Variants in CEP78 observed in about 807,000 individuals in gnomAD.
The protein encoded by CEP78 is centrosomal protein 78.
In CEP78, 76 loss-of-function variants were observed where a neutral mutation model predicts 81.2. The observed-to-expected ratio is 0.94, with a 90% CI of 0.78 to 1.13. The LOEUF (loss-of-function observed/expected upper bound fraction) is 1.13. CEP78 is among the 50% of genes most tolerant of loss of function. The pLI is 0.00. For missense variants in CEP78, 918 were observed against 846.8 expected (o/e 1.08, Z -1.04); for synonymous variants, 293 against 301.4 (o/e 0.97, Z 0.29).
intron 7 of CEP78, 138 bp from the exon 8 acceptor site, chr9:78,248,624 G>A: frequency 4.8e-6 from 3 of 627,168 alleles, no homozygotes; most frequent in Non-Finnish European, 5.7e-6. Flanking sequence ...AATACCGTAT[G>A]ATTCTTTAAT....
chr9:78,243,700 C>G, intron 5 of CEP78, 64 bp downstream of exon 5: 1 of 1,352,820 alleles, frequency 7.4e-7, no homozygotes, highest in Admixed American at 2.1e-5. Context: ...ATGCTTAACT[C>G]TTGGCACAGT....
chr9:78,246,557 G>T, intron 5 of CEP78, 112 bp from the exon 6 acceptor site: 1 of 565,262 alleles, frequency 1.8e-6, no homozygotes, highest in South Asian at 2.5e-5. Flanking sequence ...CGGAGATAGT[G>T]CCACTGCACT....
At chr9:78,251,609 C>T (rs1033707278) in intron 8 of CEP78, among the ~76,000 whole-genome samples, 1 of 151,914 alleles carries the variant, frequency 6.6e-6, no homozygotes, top group Non-Finnish European at 1.5e-5. Context: ...TTTACCTTTG[C>T]GTGCTCTGCA....
chr9:78,276,339 G>C lies in CEP78; in HGVS notation c.*5488G>C, dbSNP rs1406459569. On this transcript the variant is annotated 3_prime_UTR_variant, in exon 17 of 17. Transcript: ENST00000643273. The stretch of plus-strand genomic sequence containing the variant: ...TGGTATTCTTAACAATCTCGAAATA[G>C]AAGGAAACTTCCTTAGCTTAGCTTC... 1 of 152,152 alleles carries C rather than the reference G, an allele frequency of 6.6e-6. No homozygotes were observed. Among genetic ancestry groups the C allele is most frequent in the Non-Finnish European group, 1.5e-5 (1 of 68,036 alleles). The allele number at this position is 152,152 out of a possible 1,614,324, so 9.4% of individuals were successfully genotyped here. A position where few individuals can be genotyped will look rare whatever the true frequency, so the allele number is the denominator to read the frequency against.
intron 11 of CEP78, among the ~76,000 whole-genome samples, chr9:78,260,530 AC>A (rs1434771807): frequency 6.6e-6 from 1 of 151,940 alleles, no homozygotes; most frequent in Non-Finnish European, 1.5e-5. Context: ...ACATGGTGAA[AC>A]CCTGTCTCTA....
intron 16 of CEP78, chr9:78,267,173 G>A: frequency 1.8e-6 from 1 of 563,968 alleles, no homozygotes; most frequent in Non-Finnish European, 2.9e-6. Context: ...CCCTTTGATA[G>A]TTTACAACAT....
intron 5 of CEP78, among the ~76,000 whole-genome samples, chr9:78,244,134 CTTTTT>C (rs971743733): frequency 1.8e-5 from 2 of 110,776 alleles, no homozygotes; most frequent in Non-Finnish European, 3.7e-5. Context: ...ATTGAAGTTA[CTTTTT>C]TTTTTTTTTT....
At chr9:78,246,385 G>A (rs1378587591) in intron 5 of CEP78, among the ~76,000 whole-genome samples, 2 of 152,146 alleles carry the variant, frequency 1.3e-5, no homozygotes, top group South Asian at 2.1e-4. Context: ...AGATCACAAG[G>A]TCAGGAGATC....
At chr9:78,266,372 C>A in intron 15 of CEP78, 70 bp from the exon 16 acceptor site, 1 of 1,124,692 alleles carries the variant, frequency 8.9e-7, no homozygotes, top group Non-Finnish European at 1.3e-6. Context: ...ATAACATTGA[C>A]GTTTTGAACT....
At chr9:78,250,869 A>G (rs188955584) in intron 8 of CEP78, among the ~76,000 whole-genome samples, 308 of 152,364 alleles carry the variant, frequency 2.0e-3, no homozygotes, top group African/African-American at 6.6e-3. Context: ...TAAGACGTGT[A>G]TAAATTTGTC....
intron 11 of CEP78, among the ~76,000 whole-genome samples, chr9:78,255,399 A>C (rs549316481): frequency 1.3e-5 from 2 of 152,290 alleles, no homozygotes; most frequent in South Asian, 4.1e-4. Context: ...CAAATATAGA[A>C]GTAATTATCC....
intron 7 of CEP78, 78 bp downstream of exon 7, chr9:78,248,433 C>A: frequency 2.1e-6 from 2 of 948,522 alleles, no homozygotes; most frequent in Non-Finnish European, 3.4e-6. Context: ...ACTGCCCAGC[C>A]TGGCCTCAAA....
Position 78,236,127 on chromosome 9 carries a change from G to A in CEP78, c.-224G>A. ...TATGAGGCGGGCGCCAACTGCTTGG[G>A]CCGCAGGGCGGGAGGCAGCGCGGGA... On this transcript the variant is annotated 5_prime_UTR_variant, in exon 1 of 17. Coordinates refer to ENST00000643273, the MANE Select transcript of CEP78 (RefSeq NM_001330691.3). 1.8e-6 allele frequency: 1 copy of A among 542,318 alleles called. No homozygotes were observed. The highest frequency in any genetic ancestry group is 2.2e-5 in the South Asian group (1 of 44,748). The allele number at this position is 542,318 out of a possible 1,614,324, so 33.6% of individuals were successfully genotyped here.
At chr9:78,238,865 C>T (rs1379708747) in intron 1 of CEP78, among the ~76,000 whole-genome samples, 2 of 151,960 alleles carry the variant, frequency 1.3e-5, no homozygotes, top group African/African-American at 4.8e-5. Context: ...ACTCCTGTCT[C>T]TACAAAAAGT....
chr9:78,264,461 TA>T, intron 13 of CEP78, 145 bp downstream of exon 13: 2 of 605,334 alleles, frequency 3.3e-6, no homozygotes. Flanking sequence ...AATGTGGAAT[TA>T]ATTTTAAAAG....
At chr9:78,252,398 A>C (rs1455688102) in intron 9 of CEP78, among the ~76,000 whole-genome samples, 1 of 152,234 alleles carries the variant, frequency 6.6e-6, no homozygotes, top group African/African-American at 2.4e-5. Context: ...GGCATTGTAA[A>C]GCATAGGAAA....
rs779152145 is a variant in CEP78, at chr9:78,265,448, A to T, written c.1702A>T (p.Thr568Ser). 2.5e-6 allele frequency: 4 copies of T among 1,599,276 alleles called. No homozygotes were observed. In the East Asian group the frequency reaches 9.0e-5, roughly 36 times the overall value. Residue 568 changes from threonine to serine, a missense_variant, in exon 14 of 17, where the codon ACT becomes TCT. Coordinates refer to ENST00000643273, the MANE Select transcript of CEP78 (RefSeq NM_001330691.3). ...QLLGHPQMTS[T>S]VSNPPKEEKK... is the part of the protein sequence containing the mutation. ...ACTAGGTCATCCCCAGATGACTTCT[A>T]CTGTTAGTAATCCACCTAAAGAAGA...
rs539858427 is a variant in CEP78 at position 78,275,855 on chromosome 9, G to A, written c.*5004G>A. ...CCAGCCACTCAGGAGGCTGAAGTGG[G>A]AGGATCGCTTGAGGCCGGGATTCGA... On this transcript the variant is annotated 3_prime_UTR_variant, in exon 17 of 17. Transcript: ENST00000643273. 6.6e-6 allele frequency: 1 copy of A among 152,404 alleles called. No homozygotes were observed. Among genetic ancestry groups the A allele is most frequent in the East Asian group, 1.9e-4 (1 of 5,180 alleles). The allele number at this position is 152,404 out of a possible 1,614,324, so 9.4% of individuals were successfully genotyped here.
chr9:78,237,033 T>G (rs962653294), intron 1 of CEP78, among the ~76,000 whole-genome samples: 1 of 128,922 alleles, frequency 7.8e-6, no homozygotes, highest in Non-Finnish European at 1.6e-5. Flanking sequence ...CAGGCTGGAA[T>G]GCAGTGGCAA....
Sources: allele counts gnomAD v4.1 joint callset (sites outside exome capture counted in the v4.1 genomes callset), GRCh38; gene constraint gnomAD v4.1.1; transcripts MANE v1.5; gene names NCBI Gene and HGNC (gene_info 2026-07-23, HGNC 2026-07-21).